Variants in RUNX1T1 observed in about 807,000 individuals in gnomAD.
The protein encoded by RUNX1T1 is protein CBFA2T1.
A neutral mutation model predicts 62.8 loss-of-function variants in RUNX1T1; 4 were observed. That is an observed-to-expected ratio of 0.06 (90% CI 0.03 to 0.15). The LOEUF is 0.15. Ranked by LOEUF, RUNX1T1 falls within the 10% of genes least tolerant of loss-of-function variation. The pLI is 1.00. For synonymous variants in RUNX1T1, 291 were observed against 286.0 expected (o/e 1.02, Z -0.18); for missense variants, 508 against 754.3 (o/e 0.67, Z 3.82).
intron 8 of RUNX1T1, among the ~76,000 whole-genome samples, chr8:91,981,571 T>C (rs1410808195): frequency 6.6e-6 from 1 of 151,562 alleles, no homozygotes; most frequent in Non-Finnish European, 1.5e-5. Context: ...TGCACCACCA[T>C]TATCTGGCTA....
At chr8:92,101,342 C>A (rs191514517), upstream of RUNX1T1, among the ~76,000 whole-genome samples, 1 of 152,276 alleles carries the variant, frequency 6.6e-6, no homozygotes, top group East Asian at 1.9e-4. Flanking sequence ...ATTCAAGGGG[C>A]CTCAGAGTTA....
At chr8:92,089,600 G>A (rs1277750150) in intron 1 of RUNX1T1, among the ~76,000 whole-genome samples, 2 of 151,986 alleles carry the variant, frequency 1.3e-5, no homozygotes. Flanking sequence ...CCCACCCCTA[G>A]GCGCTGAGTT....
At chr8:91,994,066 C>T (rs1039100304) in intron 5 of RUNX1T1, among the ~76,000 whole-genome samples, 7 of 152,130 alleles carry the variant, frequency 4.6e-5, no homozygotes, top group African/African-American at 1.7e-4. Context: ...ATGCCCACTA[C>T]ATACTAAGAG....
chr8:92,028,594 T>C (rs1010632580), intron 1 of RUNX1T1, among the ~76,000 whole-genome samples: 3 of 152,218 alleles, frequency 2.0e-5, no homozygotes, highest in African/African-American at 7.2e-5. Context: ...TTAATCTGAC[T>C]TACACCCTGG....
At chr8:92,002,203 A>C (rs548722837) in intron 5 of RUNX1T1, among the ~76,000 whole-genome samples, 1 of 152,264 alleles carries the variant, frequency 6.6e-6, no homozygotes, top group Admixed American at 6.5e-5. Context: ...TATAATAAAA[A>C]TTATCTTTTT....
chr8:92,103,363 T>A (rs1808475052), upstream of RUNX1T1: 1 of 176,928 alleles, frequency 5.7e-6, no homozygotes, highest in Non-Finnish European at 1.2e-5. Flanking sequence ...CGCCGCGCGC[T>A]GTGCGCCGAG....
At chr8:91,958,740 A>C (rs1037197169), downstream of RUNX1T1, 184 of 181,204 alleles carry the variant, frequency 1.0e-3, 1 homozygote, top group African/African-American at 3.5e-3. Flanking sequence ...AAAAAAAAAA[A>C]AAAAAAACAA....
chr8:91,966,257 G>A (rs1253127386), intron 10 of RUNX1T1, among the ~76,000 whole-genome samples: 1 of 151,786 alleles, frequency 6.6e-6, no homozygotes, highest in African/African-American at 2.4e-5. Context: ...AGATTGTGAA[G>A]GCTTTGACAG....
chr8:92,051,096 T>C (rs569194376), intron 1 of RUNX1T1, among the ~76,000 whole-genome samples: 1 of 152,234 alleles, frequency 6.6e-6, no homozygotes, highest in Admixed American at 6.5e-5. Flanking sequence ...CTATCTGAAA[T>C]CATCTTTTTC....
At chr8:92,076,473 A>G (rs1834438398) in intron 1 of RUNX1T1, among the ~76,000 whole-genome samples, 1 of 152,140 alleles carries the variant, frequency 6.6e-6, no homozygotes. Context: ...TTTCAAAAAA[A>G]TAAATAATCT....
chr8:91,991,508 AC>A, intron 6 of RUNX1T1, 130 bp downstream of exon 7: 1 of 997,116 alleles, frequency 1.0e-6, no homozygotes, highest in Non-Finnish European at 1.5e-6. Flanking sequence ...CATAAAGGAG[AC>A]AATATAAAGC....
At chr8:92,058,154 A>G (rs1831343937) in intron 1 of RUNX1T1, among the ~76,000 whole-genome samples, 1 of 152,122 alleles carries the variant, frequency 6.6e-6, no homozygotes, top group African/African-American at 2.4e-5. Flanking sequence ...TGCTGGGAAC[A>G]CTAGAACTCC....
intron 1 of RUNX1T1, among the ~76,000 whole-genome samples, chr8:92,089,684 T>C (rs1268885415): frequency 6.6e-6 from 1 of 152,022 alleles, no homozygotes; most frequent in African/African-American, 2.4e-5. Flanking sequence ...GACTCTTTAG[T>C]TCCCTCCTCA....
intron 8 of RUNX1T1, 114 bp downstream of exon 9, chr8:91,986,010 G>A: frequency 1.2e-6 from 1 of 804,820 alleles, no homozygotes; most frequent in Admixed American, 1.9e-5. Context: ...TATGTAAATT[G>A]TTTATTGTCT....
At chr8:92,055,427 T>A (rs1358434943) in intron 1 of RUNX1T1, among the ~76,000 whole-genome samples, 1 of 152,158 alleles carries the variant, frequency 6.6e-6, no homozygotes, top group African/African-American at 2.4e-5. Flanking sequence ...TGGGAGGCAC[T>A]TCGCGTTTGT....
At chr8:91,969,469 A>G (rs1207452661) in intron 10 of RUNX1T1, among the ~76,000 whole-genome samples, 8 of 142,812 alleles carry the variant, frequency 5.6e-5, no homozygotes. Flanking sequence ...TCCTCAAAAG[A>G]TGCTAATAAT....
exon 6 of RUNX1T1, chr8:91,991,827 C>G: frequency 2.5e-6 from 4 of 1,614,140 alleles, no homozygotes; most frequent in Non-Finnish European, 3.4e-6. Context: ...GCTAATAGTG[C>G]ATGGTCGCTT....
At chr8:92,098,871 GCT>G (rs1374796473) in intron 1 of RUNX1T1, among the ~76,000 whole-genome samples, 1 of 152,158 alleles carries the variant, frequency 6.6e-6, no homozygotes, top group Admixed American at 6.5e-5. Context: ...GAGATAACCT[GCT>G]CTGTCTTATC....
chr8:91,976,483 A>G (rs1813974658), intron 8 of RUNX1T1, among the ~76,000 whole-genome samples: 6 of 152,188 alleles, frequency 3.9e-5, no homozygotes, highest in Admixed American at 3.9e-4. Context: ...AGTGACCATT[A>G]AAATTTTTCA....
Sources: gnomAD v4.1 joint callset for allele counts (sites outside exome capture counted in the v4.1 genomes callset) on GRCh38, gnomAD v4.1.1 for gene constraint, MANE v1.5 for transcripts, NCBI Gene and HGNC (gene_info 2026-07-23, HGNC 2026-07-21) for gene names.